NAALADL2: variants seen among roughly 807,000 people sequenced by gnomAD.
NAALADL2 encodes the protein inactive N-acetylated-alpha-linked acidic dipeptidase-like protein 2.
Under a neutral mutation model 87.2 loss-of-function variants are expected in NAALADL2, and 76 were observed. That is an observed-to-expected ratio of 0.87 (90% CI 0.72 to 1.05). NAALADL2 has a LOEUF of 1.05. Ranked by LOEUF, NAALADL2 falls within the 50% of genes least tolerant of loss-of-function variation. The pLI is 0.00. For missense variants in NAALADL2, 1,089 were observed against 945.8 expected, an observed-to-expected ratio of 1.15 and a Z score of -1.99; for synonymous variants, 354 against 331.0, an observed-to-expected ratio of 1.07 and a Z score of -0.75.
rs995037258 is a variant in NAALADL2 at position 174,941,066 on chromosome 3, C to G, written c.43+81616C>G. 2.0e-5 allele frequency among the ~76,000 whole-genome samples: 3 copies of G among 151,942 alleles called. No homozygotes were observed. In the South Asian group the frequency reaches 6.2e-4, roughly 31 times the overall value. Reference sequence around the variant, plus strand: ...CTACCTTTGAGTTTGGTTTGTTTTGCTTCTGTAATTCTTCCAGTTTTGATG... The same window carrying G: ...CTACCTTTGAGTTTGGTTTGTTTTGGTTCTGTAATTCTTCCAGTTTTGATG... On this transcript the variant is annotated intron_variant, in intron 1 of 13. Coordinates refer to ENST00000454872, the MANE Select transcript of NAALADL2 (RefSeq NM_207015.3).
At chr3:175,030,592 A>G (rs531067099) in intron 1 of NAALADL2, among the ~76,000 whole-genome samples, 7 of 152,086 alleles carry the variant, frequency 4.6e-5, no homozygotes, top group Non-Finnish European at 1.0e-4. Context: ...AGTTAAAACA[A>G]CCTGCTTTTA....
At chr3:174,637,473 A>G (rs1345540323) in intron 2 of NAALADL2, among the ~76,000 whole-genome samples, 10 of 152,100 alleles carry the variant, frequency 6.6e-5, no homozygotes, top group Non-Finnish European at 7.4e-5. Flanking sequence ...ATGTATCAAA[A>G]GAAATTAAAA....
chr3:175,788,197 G>A (rs1367214228), intron 13 of NAALADL2, among the ~76,000 whole-genome samples: 1 of 148,870 alleles, frequency 6.7e-6, no homozygotes, highest in Non-Finnish European at 1.5e-5. Flanking sequence ...AGGTTCAAGT[G>A]ATCCTCCCAA....
intron 3 of NAALADL2, among the ~76,000 whole-genome samples, chr3:174,793,869 T>A (rs963648469): frequency 1.1e-4 from 16 of 151,998 alleles, no homozygotes; most frequent in Admixed American, 4.6e-4. Flanking sequence ...TTTATATCTG[T>A]TTAAAAGTGA....
intron 1 of NAALADL2, among the ~76,000 whole-genome samples, chr3:175,011,294 GA>G (rs1560472420): frequency 6.0e-5 from 9 of 151,006 alleles, no homozygotes; most frequent in Non-Finnish European, 1.2e-4. Context: ...GAGAGAGAGA[GA>G]GAGAGAGAGA....
intron 2 of NAALADL2, chr3:174,551,213 G>A (rs556774945): frequency 6.6e-6 from 1 of 152,100 alleles, no homozygotes; most frequent in South Asian, 2.1e-4. Flanking sequence ...CTGCTCTTGT[G>A]TTTAAATGCA....
chr3:174,628,763 G>A (rs1338067955), intron 2 of NAALADL2, among the ~76,000 whole-genome samples: 1 of 151,964 alleles, frequency 6.6e-6, no homozygotes, highest in Non-Finnish European at 1.5e-5. Context: ...GTTAATACTC[G>A]TATCTCTCTG....
At chr3:174,702,093 C>T (rs73048103) in intron 2 of NAALADL2, among the ~76,000 whole-genome samples, 22 of 151,986 alleles carry the variant, frequency 1.4e-4, no homozygotes, top group Non-Finnish European at 2.9e-4. Flanking sequence ...TGGTATAGGC[C>T]GTCTTTTTAA....
At chr3:175,029,932 A>G (rs1752637218) in intron 1 of NAALADL2, among the ~76,000 whole-genome samples, 1 of 152,182 alleles carries the variant, frequency 6.6e-6, no homozygotes, top group African/African-American at 2.4e-5. Context: ...CAGGCAATAT[A>G]TATGTTAGAA....
chr3:174,630,049 A>G (rs958620606), intron 2 of NAALADL2, among the ~76,000 whole-genome samples: 19 of 152,148 alleles, frequency 1.2e-4, no homozygotes, highest in African/African-American at 4.6e-4. Context: ...TTACTTTTTA[A>G]TATCTTTCCC....
In NAALADL2 at chr3:174,885,876, G is replaced by T. The variant is rs970267548; in HGVS notation, c.43+26426G>T. 9.0e-3 allele frequency among the ~76,000 whole-genome samples: 916 copies of T among 101,640 alleles called. 9 individuals are homozygous for T. Among genetic ancestry groups the T allele is most frequent in the Non-Finnish European group, 0.014 (732 of 50,628 alleles). The allele number at this position is 101,640 out of a possible 152,430, so 66.7% of individuals were successfully genotyped here. On this transcript the variant is annotated intron_variant, in intron 1 of 13. Transcript: ENST00000454872. ...GGAGCAAGGAGAGCCAGTCCGAGTT[G>T]TTTTTTTTTTTTTTTTTTTTTTTTT...
At chr3:175,730,109 A>C (rs1743472860) in intron 11 of NAALADL2, among the ~76,000 whole-genome samples, 1 of 151,952 alleles carries the variant, frequency 6.6e-6, no homozygotes. Context: ...TGCATTGTCC[A>C]CTCAATATAT....
At chr3:174,851,281 A>G (rs1725215343) in intron 3 of NAALADL2, among the ~76,000 whole-genome samples, 1 of 151,776 alleles carries the variant, frequency 6.6e-6, no homozygotes, top group Non-Finnish European at 1.5e-5. Flanking sequence ...ATGGGATTGA[A>G]ACAAACAAAG....
chr3:175,229,579 G>A (rs1744648126), intron 2 of NAALADL2, among the ~76,000 whole-genome samples: 1 of 151,952 alleles, frequency 6.6e-6, no homozygotes, highest in African/African-American at 2.4e-5. Context: ...TATCTGGTAA[G>A]GGCCTGCTCC....
chr3:175,216,671 T>TTTTC (rs1553816880), intron 2 of NAALADL2, among the ~76,000 whole-genome samples: 2 of 142,908 alleles, frequency 1.4e-5, no homozygotes, highest in Admixed American at 7.0e-5. Context: ...TTCTTTTCTT[T>TTTTC]TTTTTTTTTT....
At chr3:175,236,723 G>C (rs918200603) in intron 3 of NAALADL2, among the ~76,000 whole-genome samples, 7 of 152,162 alleles carry the variant, frequency 4.6e-5, no homozygotes, top group African/African-American at 1.7e-4. Context: ...GGGCCCTAGA[G>C]TTCCACTATT....
chr3:174,607,145 C>G (rs1328169422), intron 2 of NAALADL2, among the ~76,000 whole-genome samples: 2 of 151,820 alleles, frequency 1.3e-5, no homozygotes, highest in African/African-American at 4.8e-5. Context: ...CAGGCCTGCC[C>G]TAAAAGAGCT....
At chr3:174,699,051 TCTC>T (rs1453950003) in intron 2 of NAALADL2, among the ~76,000 whole-genome samples, 10 of 152,210 alleles carry the variant, frequency 6.6e-5, no homozygotes, top group South Asian at 6.2e-4. Context: ...TTAAACCTCT[TCTC>T]CTGTGATTCC....
chr3:175,106,409 C>A (rs564409509), intron 2 of NAALADL2, among the ~76,000 whole-genome samples: 1 of 152,150 alleles, frequency 6.6e-6, no homozygotes, highest in South Asian at 2.1e-4. Flanking sequence ...AATTGATCAA[C>A]TTTAGAGCTA....
Sources: gnomAD v4.1 joint callset for allele counts (sites outside exome capture counted in the v4.1 genomes callset) on GRCh38, gnomAD v4.1.1 for gene constraint, MANE v1.5 for transcripts, NCBI Gene and HGNC (gene_info 2026-07-23, HGNC 2026-07-21) for gene names.